PLEKHG1: variants seen among roughly 807,000 people sequenced by gnomAD.
PLEKHG1 encodes the protein pleckstrin homology and RhoGEF domain containing G1.
In PLEKHG1, 44 loss-of-function variants were observed where a neutral mutation model predicts 100.8. The ratio of observed to expected loss-of-function variants is 0.44; its 90% CI spans 0.34 to 0.56. The LOEUF is 0.56. Ranked by LOEUF, PLEKHG1 falls within the 20% of genes least tolerant of loss-of-function variation. The probability of loss-of-function intolerance (pLI) is 0.01; values close to 1 mark genes in which losing one functional copy is unlikely to be tolerated. For synonymous variants in PLEKHG1, 640 were observed against 662.5 expected (o/e 0.97, Z 0.52); for missense variants, 1,545 against 1,720.9 (o/e 0.90, Z 1.81).
intron 3 of PLEKHG1, among the ~76,000 whole-genome samples, chr6:150,682,465 T>C (rs1315993216): frequency 3.3e-5 from 5 of 152,002 alleles, no homozygotes; most frequent in African/African-American, 4.8e-5. Flanking sequence ...ACATGGAGGC[T>C]TGGGGAAAGG....
chr6:150,831,412 C>G lies in PLEKHG1; in HGVS notation c.2301C>G (p.Thr767=), dbSNP rs906907495. ...GCCTAAAGCGTGCAAAGCGGAGCAC[C>G]TTTTTGGGTCTGGAGGCCGACTTCG... The change falls in exon 15 of 16, where the codon ACC becomes ACG. Residue 767 remains threonine (T), a synonymous_variant. Transcript: ENST00000358517. The surrounding 1 kb of genome is among the most constrained non-coding windows in gnomAD (Gnocchi z 4.1). The G allele has an allele frequency of 1.2e-6, 2 of 1,614,094 alleles. No homozygotes were observed. The highest frequency in any genetic ancestry group is 1.7e-6 in the Non-Finnish European group (2 of 1,180,040).
intron 2 of PLEKHG1, among the ~76,000 whole-genome samples, chr6:150,644,339 T>TG (rs1433444586): frequency 2.1e-5 from 3 of 143,872 alleles, no homozygotes; most frequent in African/African-American, 5.4e-5. Context: ...TTCGTGTTTT[T>TG]TTTTTTTTTT....
At chr6:150,791,782 A>C (rs1172541993) in intron 4 of PLEKHG1, among the ~76,000 whole-genome samples, 1 of 152,228 alleles carries the variant, frequency 6.6e-6, no homozygotes, top group Non-Finnish European at 1.5e-5. Flanking sequence ...CTAAGGTTCC[A>C]AAAAGCAGTC....
chr6:150,626,301 G>A (rs551240083), intron 1 of PLEKHG1, among the ~76,000 whole-genome samples: 1 of 152,262 alleles, frequency 6.6e-6, no homozygotes, highest in Admixed American at 6.5e-5. Context: ...CTAAAGAAAG[G>A]GTGTTATCTT....
At chr6:150,786,795 C>T (rs1246692563) in intron 4 of PLEKHG1, among the ~76,000 whole-genome samples, 1 of 151,856 alleles carries the variant, frequency 6.6e-6, no homozygotes, top group South Asian at 2.1e-4. Flanking sequence ...TTTGGGAAGC[C>T]GAGGTGAGTG....
At chr6:150,636,969 C>G (rs1396884629) in intron 1 of PLEKHG1, among the ~76,000 whole-genome samples, 1 of 152,168 alleles carries the variant, frequency 6.6e-6, no homozygotes, top group Non-Finnish European at 1.5e-5. Context: ...ACTAAGATGT[C>G]AAACTAGTCC....
chr6:150,797,144 A>G (rs1287415096), intron 5 of PLEKHG1, among the ~76,000 whole-genome samples: 2 of 152,014 alleles, frequency 1.3e-5, no homozygotes, highest in East Asian at 3.9e-4. Context: ...GCACCCCACC[A>G]GACTTTGAGT....
chr6:150,613,721 C>T (rs1398808345), intron 1 of PLEKHG1, among the ~76,000 whole-genome samples: 3 of 152,126 alleles, frequency 2.0e-5, no homozygotes, highest in Non-Finnish European at 4.4e-5. Flanking sequence ...CCCAGAAAGC[C>T]TTACTCATCG....
At chr6:150,753,271 A>G (rs1783627109) in intron 2 of PLEKHG1, among the ~76,000 whole-genome samples, 1 of 152,160 alleles carries the variant, frequency 6.6e-6, no homozygotes, top group Non-Finnish European at 1.5e-5. Flanking sequence ...CTGGGGCAGA[A>G]TCACCCCTGA....
At chr6:150,832,449 A>G (rs1017505183) in intron 15 of PLEKHG1, among the ~76,000 whole-genome samples, 9 of 152,136 alleles carry the variant, frequency 5.9e-5, no homozygotes, top group African/African-American at 1.7e-4. Context: ...AACTGCAGAG[A>G]TAATATTTTA....
At position 150,602,171 on chromosome 6, in the gene PLEKHG1, T is replaced by C. The variant is rs1403381506; in HGVS notation, c.-204+2154T>C. ...AGCACTAAATCTCTTGAGCCCTTCG[T>C]CAACCAAAAGCAATTCCTGAAGCTA... On this transcript the variant is annotated intron_variant, in intron 1 of 3. Coordinates refer to the PLEKHG1 transcript ENST00000367326. Among the ~76,000 whole-genome samples, 4 of 152,226 alleles carry C rather than the reference T, an allele frequency of 2.6e-5. No individual in the cohort carries two copies. In the East Asian group the frequency reaches 5.8e-4, roughly 22 times the overall value.
At chr6:150,686,073 T>C (rs955725575) in intron 3 of PLEKHG1, among the ~76,000 whole-genome samples, 3 of 152,252 alleles carry the variant, frequency 2.0e-5, no homozygotes, top group Admixed American at 6.5e-5. Flanking sequence ...CATTGGTCAC[T>C]GCCCAGTGTG....
intron 3 of PLEKHG1, among the ~76,000 whole-genome samples, chr6:150,701,456 T>TATATAA: frequency 1.2e-5 from 1 of 82,028 alleles, no homozygotes; most frequent in South Asian, 3.3e-4. Context: ...TATATATATA[T>TATATAA]ATATATATAT....
intron 2 of PLEKHG1, among the ~76,000 whole-genome samples, chr6:150,748,689 C>T (rs1226411755): frequency 5.4e-5 from 8 of 148,952 alleles, no homozygotes; most frequent in African/African-American, 1.2e-4. Flanking sequence ...GCCACGATCA[C>T]GGCTCACTGC....
intron 3 of PLEKHG1, among the ~76,000 whole-genome samples, chr6:150,657,412 C>T (rs1233674167): frequency 6.6e-6 from 1 of 152,112 alleles, no homozygotes; most frequent in Non-Finnish European, 1.5e-5. Flanking sequence ...TGTGAAAGGG[C>T]CATGTCTTTG....
In PLEKHG1 at chr6:150,692,365, C is replaced by T. The variant is rs2128594042; in HGVS notation, c.-98-41219C>T. Among the ~76,000 whole-genome samples, 2 of 152,134 alleles carry T rather than the reference C, an allele frequency of 1.3e-5. 1 individual carries two copies. Among genetic ancestry groups the T allele is most frequent in the South Asian group, 4.2e-4 (2 of 4,810 alleles). On this transcript the variant is annotated intron_variant, in intron 3 of 3. Transcript: ENST00000367326. Reference sequence around the variant, plus strand: ...TCAGATCAACAATACAACTCTTTTCCCAGATTTCTTCATAATTAACTATGT... The same window carrying T: ...TCAGATCAACAATACAACTCTTTTCTCAGATTTCTTCATAATTAACTATGT...
intron 3 of PLEKHG1, among the ~76,000 whole-genome samples, chr6:150,705,475 T>A (rs1780966950): frequency 6.6e-6 from 1 of 152,216 alleles, no homozygotes; most frequent in African/African-American, 2.4e-5. Context: ...CACTCAACCC[T>A]TGCCCCTCTC....
chr6:150,605,939 A>G (rs1326179963), intron 1 of PLEKHG1: 1 of 152,216 alleles, frequency 6.6e-6, no homozygotes, highest in Non-Finnish European at 1.5e-5. Flanking sequence ...TACCCATTGA[A>G]TAAATGAGTG....
In PLEKHG1 at chr6:150,823,892, A is replaced by T. The variant is rs140201505; in HGVS notation, c.1470+216A>T. ...CTTCCCTTTCCCCAGCCCACATCTG[A>T]GAACCATGGTGATTATTTATTCATC... On this transcript the variant is annotated intron_variant, in intron 14 of 15. Coordinates refer to ENST00000358517, the Ensembl canonical transcript of PLEKHG1. 7.9e-5 allele frequency among the ~76,000 whole-genome samples: 12 copies of T among 152,322 alleles called. No individual in the cohort carries two copies. In the East Asian group the frequency reaches 2.3e-3, roughly 29 times the overall value.
Sources: gnomAD v4.1 joint callset for allele counts (sites outside exome capture counted in the v4.1 genomes callset) on GRCh38, gnomAD v4.1.1 for gene constraint, Gnocchi (gnomAD v3.1) non-coding constraint, MANE v1.5 for transcripts, NCBI Gene and HGNC (gene_info 2026-07-23, HGNC 2026-07-21) for gene names.